The following RBFOX1 variants were observed in gnomAD, a reference collection of about 807,000 sequenced individuals.
RBFOX1 encodes RNA binding fox-1 homolog 1.
A neutral mutation model predicts 57.7 loss-of-function variants in RBFOX1; 8 were observed. The observed-to-expected ratio is 0.14, with a 90% CI of 0.08 to 0.25. RBFOX1 has a LOEUF of 0.25. RBFOX1 is among the 10% of genes least tolerant of loss of function. The pLI, the probability that RBFOX1 is intolerant of heterozygous loss-of-function variation, is 1.00. For missense variants in RBFOX1, 611 were observed against 548.5 expected (o/e 1.11, Z -1.14); for synonymous variants, 326 against 222.4 (o/e 1.47, Z -4.15).
At chr16:7,452,948 G>A (rs1027122078) in intron 4 of RBFOX1, among the ~76,000 whole-genome samples, 3 of 152,126 alleles carry the variant, frequency 2.0e-5, no homozygotes, top group South Asian at 2.1e-4. Context: ...GGCCAACATG[G>A]TGAAAAACCA....
chr16:7,652,258 T>G (rs189344857), intron 11 of RBFOX1, among the ~76,000 whole-genome samples: 1 of 152,264 alleles, frequency 6.6e-6, no homozygotes, highest in East Asian at 1.9e-4. Context: ...AGGATTTGCA[T>G]GAAATGGGAG....
intron 2 of RBFOX1, among the ~76,000 whole-genome samples, chr16:6,457,624 C>T (rs1218319572): frequency 6.6e-6 from 1 of 152,096 alleles, no homozygotes; most frequent in African/African-American, 2.4e-5. Context: ...GAAGACCTCC[C>T]AATTAAGGAC....
intron 3 of RBFOX1, among the ~76,000 whole-genome samples, chr16:6,972,934 G>T (rs2085913754): frequency 6.6e-6 from 1 of 152,104 alleles, no homozygotes; most frequent in Non-Finnish European, 1.5e-5. Context: ...GGCCAACTTG[G>T]CCAACATGGT....
intron 2 of RBFOX1, among the ~76,000 whole-genome samples, chr16:6,466,855 G>A (rs1273441090): frequency 6.6e-6 from 1 of 152,102 alleles, no homozygotes; most frequent in African/African-American, 2.4e-5. Flanking sequence ...TAGTCAGAGA[G>A]GTGCAGAAAC....
chr16:7,554,095 C>A (rs1418472397), intron 5 of RBFOX1, among the ~76,000 whole-genome samples: 2 of 152,038 alleles, frequency 1.3e-5, no homozygotes, highest in Non-Finnish European at 2.9e-5. Flanking sequence ...GGTGAAAGAG[C>A]AAGATCCTGT....
At chr16:6,263,516 C>T (rs1398680077) in intron 1 of RBFOX1, among the ~76,000 whole-genome samples, 1 of 152,132 alleles carries the variant, frequency 6.6e-6, no homozygotes, top group Non-Finnish European at 1.5e-5. Flanking sequence ...AACCATTTCT[C>T]TGAATGTTTC....
intron 2 of RBFOX1, among the ~76,000 whole-genome samples, chr16:5,506,898 C>T (rs893175366): frequency 1.3e-5 from 2 of 152,164 alleles, no homozygotes; most frequent in Non-Finnish European, 2.9e-5. Flanking sequence ...TTTCCCCCTC[C>T]ACCCACTCCA....
intron 2 of RBFOX1, among the ~76,000 whole-genome samples, chr16:6,406,297 G>A (rs973195812): frequency 2.0e-5 from 3 of 151,762 alleles, no homozygotes; most frequent in Non-Finnish European, 2.9e-5. Context: ...AACTTCCACC[G>A]CAGTGGTCCC....
chr16:6,872,540 G>C (rs1214358228), intron 3 of RBFOX1, among the ~76,000 whole-genome samples: 1 of 152,056 alleles, frequency 6.6e-6, no homozygotes, highest in Non-Finnish European at 1.5e-5. Flanking sequence ...TCTGGTTCCT[G>C]TTTATATTGG....
At chr16:7,561,443 C>T (rs1187629736) in intron 5 of RBFOX1, among the ~76,000 whole-genome samples, 1 of 152,190 alleles carries the variant, frequency 6.6e-6, no homozygotes, top group African/African-American at 2.4e-5. Flanking sequence ...CATATATTTA[C>T]TCTCCTTCCC....
At chr16:6,662,034 G>C (rs1364690771) in intron 3 of RBFOX1, among the ~76,000 whole-genome samples, 1 of 151,476 alleles carries the variant, frequency 6.6e-6, no homozygotes, top group Non-Finnish European at 1.5e-5. Flanking sequence ...GCCACACACA[G>C]AAAGGCAAAT....
At chr16:6,827,424 G>C (rs1056589108) in intron 3 of RBFOX1, among the ~76,000 whole-genome samples, 4 of 151,644 alleles carry the variant, frequency 2.6e-5, no homozygotes, top group East Asian at 1.9e-4. Context: ...GGAAGGAAGA[G>C]AAGTTTGGTC....
At chr16:7,036,055 T>C (rs2044317582) in intron 3 of RBFOX1, among the ~76,000 whole-genome samples, 3 of 152,158 alleles carry the variant, frequency 2.0e-5, no homozygotes, top group African/African-American at 7.2e-5. Flanking sequence ...AAATCAGCAA[T>C]AGAAAAGACC....
intron 2 of RBFOX1, among the ~76,000 whole-genome samples, chr16:5,495,070 G>A (rs776372729): frequency 6.6e-6 from 1 of 152,184 alleles, no homozygotes; most frequent in South Asian, 2.1e-4. Context: ...GAGGAAAGAG[G>A]TTTAATTGAC....
At chr16:5,388,380 A>G (rs898736079) in intron 1 of RBFOX1, among the ~76,000 whole-genome samples, 1 of 152,122 alleles carries the variant, frequency 6.6e-6, no homozygotes, top group African/African-American at 2.4e-5. Flanking sequence ...CCAGGTCCTA[A>G]ATATGTCAGG....
At chr16:6,442,708 G>A (rs2094410136) in intron 2 of RBFOX1, among the ~76,000 whole-genome samples, 1 of 152,072 alleles carries the variant, frequency 6.6e-6, no homozygotes, top group African/African-American at 2.4e-5. Context: ...TTTTCTCTTT[G>A]TAATTCCCAA....
At chr16:6,723,083 G>A (rs1221502372) in intron 3 of RBFOX1, among the ~76,000 whole-genome samples, 1 of 152,198 alleles carries the variant, frequency 6.6e-6, no homozygotes, top group Non-Finnish European at 1.5e-5. Flanking sequence ...TGTCCCATGA[G>A]TGGTGATGTG....
chr16:7,624,752 T>G (rs1012326070), intron 10 of RBFOX1, among the ~76,000 whole-genome samples: 1 of 152,086 alleles, frequency 6.6e-6, no homozygotes, highest in Non-Finnish European at 1.5e-5. Context: ...TGAGTGACAT[T>G]AGGAAAGCCA....
chr16:6,851,812 A>C (rs2094083198), intron 3 of RBFOX1, among the ~76,000 whole-genome samples: 1 of 152,170 alleles, frequency 6.6e-6, no homozygotes, highest in South Asian at 2.1e-4. Context: ...TCTGGGCATC[A>C]AGGCGCAGAC....
Sources: allele counts gnomAD v4.1 joint callset (sites outside exome capture counted in the v4.1 genomes callset), GRCh38; gene constraint gnomAD v4.1.1; transcripts MANE v1.5; gene names NCBI Gene and HGNC (gene_info 2026-07-23, HGNC 2026-07-21).